Variants in ITGA6 observed in about 807,000 individuals in gnomAD.
ITGA6 encodes integrin subunit alpha 6.
A neutral mutation model predicts 133.6 loss-of-function variants in ITGA6; 63 were observed. That is an observed-to-expected ratio of 0.47 (90% CI 0.38 to 0.58). ITGA6 has a LOEUF of 0.58. Among genes scored for constraint, ITGA6 ranks in the 20% least tolerant of loss-of-function variants. The pLI is 0.00. For missense variants in ITGA6, 1,068 were observed against 1,309.4 expected (o/e 0.82, Z 2.85); for synonymous variants, 434 against 482.0 (o/e 0.90, Z 1.30).
At chr2:172,451,443 C>T (rs1212150530) in intron 1 of ITGA6, among the ~76,000 whole-genome samples, 1 of 144,668 alleles carries the variant, frequency 6.9e-6, no homozygotes, top group Non-Finnish European at 1.5e-5. Flanking sequence ...TCAGCCTGGG[C>T]AACAGAGCGA....
chr2:172,477,234 G>A (rs114213751), intron 9 of ITGA6, among the ~76,000 whole-genome samples: 4 of 151,938 alleles, frequency 2.6e-5, no homozygotes, highest in Admixed American at 6.6e-5. Context: ...CTTTTGATTC[G>A]GTTTCGCCAA....
intron 5 of ITGA6, among the ~76,000 whole-genome samples, chr2:172,471,600 A>T (rs1267661328): frequency 1.3e-5 from 2 of 152,204 alleles, no homozygotes; most frequent in African/African-American, 2.4e-5. Flanking sequence ...CTGCTTCTGG[A>T]TTGGGACCCC....
intron 1 of ITGA6, among the ~76,000 whole-genome samples, chr2:172,461,029 C>T (rs80239277): frequency 2.6e-5 from 4 of 152,172 alleles, no homozygotes; most frequent in African/African-American, 9.7e-5. Flanking sequence ...TATACCAGCT[C>T]TCTTTGGGGG....
rs754786958 is a variant in ITGA6, at chr2:172,501,887, C to T, written c.*8C>T. The T allele has an allele frequency of 3.1e-6, 5 of 1,611,878 alleles. No homozygotes were observed. The African/African-American group carries it at 4.0e-5, about 13-fold the overall frequency. The stretch of plus-strand genomic sequence containing the variant: ...CTTACTTCTGATGCATAGTATTGAT[C>T]TACTTCTGTAATTGGTAATTGATCA... On this transcript the variant is annotated 3_prime_UTR_variant, in exon 25 of 26. Transcript: ENST00000684293.
Position 172,465,659 on chromosome 2 carries a change from C to G in ITGA6, c.303C>G (p.Asn101Lys), listed in dbSNP as rs763884633. 2 of 1,614,176 alleles carry G rather than the reference C, an allele frequency of 1.2e-6. No homozygotes were observed. The highest frequency in any genetic ancestry group is 8.5e-7 in the Non-Finnish European group (1 of 1,180,006). Reference sequence around the variant, plus strand: ...CATGCACGCGGATCGAGTTTGATAACGATGGTGCGTTCCTTTCCCTCACTC... The same window carrying G: ...CATGCACGCGGATCGAGTTTGATAAGGATGGTGCGTTCCTTTCCCTCACTC... ...RGPCTRIEFD[N>K]DADPTSESKE... is the part of the protein sequence containing the mutation. Residue 101 changes from asparagine (N) to lysine (K), a missense_variant, in exon 2 of 26, where the codon AAC becomes AAG. Physicochemically the swap from Asn to Lys is moderately conservative, Grantham distance 94 (BLOSUM62 0). Transcript: ENST00000684293.
At chr2:172,486,390 G>A (rs1426582881) in intron 13 of ITGA6, among the ~76,000 whole-genome samples, 2 of 151,930 alleles carry the variant, frequency 1.3e-5, no homozygotes, top group Non-Finnish European at 2.9e-5. Flanking sequence ...TTATTATCAT[G>A]TTAATATTAC....
chr2:172,465,214 T>C (rs922747362), intron 1 of ITGA6: 4 of 379,274 alleles, frequency 1.1e-5, no homozygotes, highest in East Asian at 5.6e-5. Context: ...CCTGGCATCA[T>C]AGGGGCTTAG....
chr2:172,460,688 T>C (rs1483171252), intron 1 of ITGA6, among the ~76,000 whole-genome samples: 1 of 152,222 alleles, frequency 6.6e-6, no homozygotes, highest in Non-Finnish European at 1.5e-5. Flanking sequence ...TTTGTACTTA[T>C]TACTTTAGCA....
intron 1 of ITGA6, among the ~76,000 whole-genome samples, chr2:172,458,858 G>T (rs1055435920): frequency 1.3e-5 from 2 of 152,146 alleles, no homozygotes; most frequent in Non-Finnish European, 2.9e-5. Context: ...TAAACCCACA[G>T]AATAAGATTA....
At position 172,475,584 on chromosome 2, in the gene ITGA6, ATGT is replaced by A. The variant is rs771529732; in HGVS notation, c.1181-9_1181-7del. The A allele has an allele frequency of 4.0e-5, 57 of 1,442,076 alleles. 1 individual carries two copies. The South Asian group carries it at 5.7e-4, about 14-fold the overall frequency. 89.3% of individuals were successfully genotyped at this position (1,442,076 alleles called of 1,614,324 possible). The stretch of plus-strand genomic sequence containing the variant: ...GCGTTTGTTAAAATGTTAAAATGTG[ATGT>A]TGTCAACAGATATTGCAGTTGGAGC... On this transcript the variant is annotated splice_polypyrimidine_tract_variant and intron_variant, in intron 7 of 25. Transcript: ENST00000684293.
chr2:172,437,711 C>T (rs1421000761), intron 1 of ITGA6, among the ~76,000 whole-genome samples: 1 of 152,124 alleles, frequency 6.6e-6, no homozygotes, highest in Non-Finnish European at 1.5e-5. Context: ...GTAGAGGAGC[C>T]TCTAGGTTGT....
rs1382567700 is a variant in ITGA6, at chr2:172,467,577, A to C, written c.387+17A>C. 6.3e-7 allele frequency: 1 copy of C among 1,594,186 alleles called. No homozygotes were observed. Among genetic ancestry groups the C allele is most frequent in the Non-Finnish European group, 8.6e-7 (1 of 1,162,208 alleles). On this transcript the variant is annotated intron_variant, in intron 3 of 25. Coordinates refer to ENST00000684293, the MANE Select transcript of ITGA6 (RefSeq NM_000210.4). Reference sequence around the variant, plus strand: ...AAGGTCGTGGTAAGTGTAGAGACACATGTTCATCCTATACTGTTGGACTGC... The same window carrying C: ...AAGGTCGTGGTAAGTGTAGAGACACCTGTTCATCCTATACTGTTGGACTGC...
intron 1 of ITGA6, among the ~76,000 whole-genome samples, chr2:172,449,237 G>C (rs1574256): frequency 0.052 from 7,978 of 152,210 alleles, 368 homozygotes; most frequent in East Asian, 0.26. Flanking sequence ...TTATTTTCTA[G>C]AATGAAGATA....
At chr2:172,494,044 T>C (rs1255598380) in intron 23 of ITGA6, among the ~76,000 whole-genome samples, 5 of 152,226 alleles carry the variant, frequency 3.3e-5, no homozygotes, top group Non-Finnish European at 7.3e-5. Flanking sequence ...TCTTAACCTC[T>C]AGTCTTCTGA....
intron 1 of ITGA6, among the ~76,000 whole-genome samples, chr2:172,445,333 CTTTTCTTTTTTTTTT>C (rs1684714303): frequency 8.5e-6 from 1 of 117,020 alleles, no homozygotes; most frequent in African/African-American, 3.1e-5. Flanking sequence ...TTGTCTTTTT[CTTTTCTTTTTTTTTT>C]TTTAACAAAA....
chr2:172,490,763 G>T (rs1164599451), intron 20 of ITGA6: 1 of 404,994 alleles, frequency 2.5e-6, no homozygotes, highest in Non-Finnish European at 4.6e-6. Flanking sequence ...GAGGAACAAA[G>T]AAAGCATATT....
At chr2:172,447,604 CT>C (rs1380915851) in intron 1 of ITGA6, among the ~76,000 whole-genome samples, 1 of 152,132 alleles carries the variant, frequency 6.6e-6, no homozygotes, top group Non-Finnish European at 1.5e-5. Context: ...AGGCCAGTTG[CT>C]TTTGTGATTT....
At chr2:172,470,381 A>T in intron 4 of ITGA6, among the ~76,000 whole-genome samples, 1 of 152,338 alleles carries the variant, frequency 6.6e-6, no homozygotes, top group Non-Finnish European at 1.5e-5. Context: ...ACAAAACAAA[A>T]ATATCCACCA....
chr2:172,473,767 A>G (rs1369625717), intron 5 of ITGA6, among the ~76,000 whole-genome samples: 2 of 152,192 alleles, frequency 1.3e-5, no homozygotes, highest in Non-Finnish European at 2.9e-5. Context: ...ATAGGGTGGA[A>G]ATTGATTCTT....
Sources: gnomAD v4.1 joint callset for allele counts (sites outside exome capture counted in the v4.1 genomes callset) on GRCh38, gnomAD v4.1.1 for gene constraint, MANE v1.5 for transcripts, NCBI Gene and HGNC (gene_info 2026-07-23, HGNC 2026-07-21) for gene names.